LINGO1: variants seen among roughly 807,000 people sequenced by gnomAD.
LINGO1 encodes leucine rich repeat and Ig domain containing 1.
LINGO1 carries 11 observed loss-of-function variants against 37.3 expected under a neutral mutation model. The observed-to-expected ratio is 0.29, with a 90% CI of 0.19 to 0.49. The LOEUF (loss-of-function observed/expected upper bound fraction) is 0.49, where lower values mean the gene tolerates loss of function less well. Ranked by LOEUF, LINGO1 falls within the 20% of genes least tolerant of loss-of-function variation. The pLI is 0.99. For missense variants in LINGO1, 585 were observed against 878.2 expected, an observed-to-expected ratio of 0.67 and a Z score of 4.22; for synonymous variants, 387 against 403.0, an observed-to-expected ratio of 0.96 and a Z score of 0.48.
intron 2 of LINGO1, among the ~76,000 whole-genome samples, chr15:77,711,238 C>T (rs2075914578): frequency 6.6e-6 from 1 of 152,248 alleles, no homozygotes; most frequent in African/African-American, 2.4e-5. Context: ...ACAATTGCTT[C>T]TTGCCCTATG....
At chr15:77,730,247 T>C (rs997049016) in intron 2 of LINGO1, among the ~76,000 whole-genome samples, 3 of 152,162 alleles carry the variant, frequency 2.0e-5, no homozygotes, top group Admixed American at 6.5e-5. Context: ...ACATGCCAAG[T>C]GTCATTCCTA....
chr15:77,684,146 C>T (rs1378239264), intron 2 of LINGO1, among the ~76,000 whole-genome samples: 2 of 152,208 alleles, frequency 1.3e-5, no homozygotes, highest in Non-Finnish European at 2.9e-5. Flanking sequence ...CCAAACACTC[C>T]CCCACACTCT....
chr15:77,777,491 A>G (rs2076673093), intron 1 of LINGO1, among the ~76,000 whole-genome samples: 1 of 133,880 alleles, frequency 7.5e-6, no homozygotes, highest in South Asian at 2.5e-4. Context: ...ACACACACAC[A>G]CACACACACA....
chr15:77,792,876 C>G (rs2076829022), intron 2 of LINGO1, among the ~76,000 whole-genome samples: 1 of 152,196 alleles, frequency 6.6e-6, no homozygotes, highest in South Asian at 2.1e-4. Context: ...CACATTCATC[C>G]TTGGGAGAAA....
At chr15:77,651,202 G>A (rs1596049913) in intron 3 of LINGO1, 1 of 152,332 alleles carries the variant, frequency 6.6e-6, no homozygotes, top group African/African-American at 2.4e-5. Context: ...TCACTGCTGT[G>A]TCCCAGAGCC....
At chr15:77,776,535 AGGGAGGG>A in intron 1 of LINGO1, among the ~76,000 whole-genome samples, 1 of 60,142 alleles carries the variant, frequency 1.7e-5, no homozygotes, top group Non-Finnish European at 3.4e-5. Flanking sequence ...GAAGGGAGGG[AGGGAGGG>A]AGGGAGGGAG....
At position 77,614,719 on chromosome 15, in the gene LINGO1, G is replaced by A. The variant is rs182344930; in HGVS notation, c.1188C>T (p.Cys396=). The part of the protein sequence containing the change: ...RLNFNRQQPT[C]ATPEFVQGKE... ...TGCCCTGGACAAACTCGGGCGTGGC[G>A]CACGTGGGCTGCTGCCGGTTGAAGT... The change falls in exon 2 of 2, where the codon TGC becomes TGT. Residue 396 remains cysteine, a synonymous_variant. Transcript: ENST00000355300. The A allele has an allele frequency of 5.4e-5, 86 of 1,607,466 alleles. No homozygotes were observed. In the African/African-American group the frequency reaches 7.5e-4, roughly 14 times the overall value.
At chr15:77,657,299 G>C (rs2074886512) in intron 3 of LINGO1, among the ~76,000 whole-genome samples, 1 of 151,908 alleles carries the variant, frequency 6.6e-6, no homozygotes, top group Non-Finnish European at 1.5e-5. Context: ...GGGGCATCTT[G>C]AAAGAACCAC....
At chr15:77,767,717 G>A (rs773407129) in intron 1 of LINGO1, among the ~76,000 whole-genome samples, 7 of 152,118 alleles carry the variant, frequency 4.6e-5, no homozygotes, top group Non-Finnish European at 8.8e-5. Flanking sequence ...GTTGGGAACC[G>A]AATTAGTGAT....
chr15:77,652,483 A>AGAGTGTGTGTGT (rs1555525720), intron 3 of LINGO1, among the ~76,000 whole-genome samples: 23 of 128,960 alleles, frequency 1.8e-4, no homozygotes, highest in African/African-American at 7.3e-4. Context: ...GGGGAGGGAG[A>AGAGTGTGTGTGT]GTGTGTGTGT....
chr15:77,684,366 G>C lies in LINGO1; in HGVS notation c.-99+6354C>G, dbSNP rs566403129. 1.1e-4 allele frequency among the ~76,000 whole-genome samples: 16 copies of C among 152,322 alleles called. No homozygotes were observed. The East Asian group carries it at 2.9e-3, about 28-fold the overall frequency. On this transcript the variant is annotated intron_variant, in intron 2 of 3. Transcript: ENST00000559893. ...CAGAGAGGTTACATGACTTGCTCAA[G>C]CTCACACAGCCAGTAATTAGAGGGG...
chr15:77,804,404 G>C (rs979834009), intron 1 of LINGO1, among the ~76,000 whole-genome samples: 1 of 152,170 alleles, frequency 6.6e-6, no homozygotes, highest in Non-Finnish European at 1.5e-5. Context: ...TGAGTCCCTA[G>C]AAGTAGATGG....
chr15:77,666,902 A>C (rs1318049719), intron 3 of LINGO1: 4 of 152,284 alleles, frequency 2.6e-5, no homozygotes, highest in African/African-American at 9.6e-5. Context: ...GGCAGGTGGC[A>C]AGGGCTGAGG....
At chr15:77,620,663 C>T (rs923003483) in intron 1 of LINGO1, among the ~76,000 whole-genome samples, 3 of 152,226 alleles carry the variant, frequency 2.0e-5, no homozygotes, top group African/African-American at 7.2e-5. Context: ...AGGTCGACAT[C>T]CTCAAACCTT....
At chr15:77,724,254 A>G (rs1028316590) in intron 2 of LINGO1, among the ~76,000 whole-genome samples, 3 of 152,206 alleles carry the variant, frequency 2.0e-5, no homozygotes, top group Non-Finnish European at 4.4e-5. Flanking sequence ...ACATGACTGA[A>G]GCCTGTCTGC....
chr15:77,789,651 A>C (rs2076802985), upstream of LINGO1, among the ~76,000 whole-genome samples: 1 of 152,228 alleles, frequency 6.6e-6, no homozygotes, highest in Non-Finnish European at 1.5e-5. Flanking sequence ...TGTATGGAGA[A>C]CAATTTGGCA....
chr15:77,780,874 C>CA (rs2076710398), intron 1 of LINGO1, among the ~76,000 whole-genome samples: 1 of 152,146 alleles, frequency 6.6e-6, no homozygotes, highest in African/African-American at 2.4e-5. Context: ...ACCCTGATCT[C>CA]AGACTTCCAG....
intron 3 of LINGO1, chr15:77,648,192 T>C (rs957917536): frequency 1.3e-5 from 4 of 318,528 alleles, no homozygotes; most frequent in African/African-American, 8.8e-5. Flanking sequence ...ATAATTGTAG[T>C]ATTAACATAC....
chr15:77,648,660 CTG>C (rs2074690681), intron 3 of LINGO1: 3 of 152,462 alleles, frequency 2.0e-5, no homozygotes, highest in Admixed American at 2.0e-4. Flanking sequence ...CCTGACCTCT[CTG>C]GGCCTCAGAG....
Sources: allele counts gnomAD v4.1 joint callset (sites outside exome capture counted in the v4.1 genomes callset), GRCh38; gene constraint gnomAD v4.1.1; transcripts MANE v1.5; gene names NCBI Gene and HGNC (gene_info 2026-07-23, HGNC 2026-07-21).